The following PPP4R4 variants were observed in gnomAD, a reference collection of about 807,000 sequenced individuals.
PPP4R4 encodes the protein serine/threonine-protein phosphatase 4 regulatory subunit 4.
Under a neutral mutation model 121.8 loss-of-function variants are expected in PPP4R4, and 70 were observed. The ratio of observed to expected loss-of-function variants is 0.57; its 90% CI spans 0.47 to 0.70. PPP4R4 has a LOEUF of 0.70. PPP4R4 is among the 30% of genes least tolerant of loss of function. The pLI, the probability that PPP4R4 is intolerant of heterozygous loss-of-function variation, is 0.00. For synonymous variants in PPP4R4, 348 were observed against 355.7 expected, an observed-to-expected ratio of 0.98 and a Z score of 0.24; for missense variants, 875 against 1,033.6, an observed-to-expected ratio of 0.85 and a Z score of 2.10.
At chr14:94,211,986 ATTTACT>A (rs978992914) in intron 3 of PPP4R4, among the ~76,000 whole-genome samples, 1 of 152,178 alleles carries the variant, frequency 6.6e-6, no homozygotes, top group Non-Finnish European at 1.5e-5. Context: ...TTTGTGAATG[ATTTACT>A]TTTAGATAAT....
At chr14:94,278,591 C>G in intron 24 of PPP4R4, 28 bp from the exon 25 acceptor site, 4 of 1,531,130 alleles carry the variant, frequency 2.6e-6, no homozygotes, top group Non-Finnish European at 3.6e-6. Context: ...CACCCTCCCT[C>G]TCTTCCTTCA....
At chr14:94,239,507 C>A (rs1290825311) in intron 8 of PPP4R4, among the ~76,000 whole-genome samples, 1 of 151,878 alleles carries the variant, frequency 6.6e-6, no homozygotes, top group South Asian at 2.1e-4. Context: ...TTCTTTAGTT[C>A]CCAGTTTAAA....
intron 2 of PPP4R4, among the ~76,000 whole-genome samples, chr14:94,203,274 A>G (rs1338488626): frequency 1.3e-5 from 2 of 152,220 alleles, no homozygotes; most frequent in Non-Finnish European, 2.9e-5. Flanking sequence ...CAAGAATGCT[A>G]TATAAGTGGA....
chr14:94,226,968 A>G (rs543294186), intron 3 of PPP4R4, among the ~76,000 whole-genome samples: 4 of 152,314 alleles, frequency 2.6e-5, no homozygotes, highest in African/African-American at 9.6e-5. Flanking sequence ...CCTGATGGAT[A>G]TAATACAGGC....
intron 22 of PPP4R4, 93 bp downstream of exon 22, chr14:94,265,980 T>C: frequency 1.1e-6 from 1 of 931,436 alleles, no homozygotes; most frequent in Admixed American, 2.8e-5. Flanking sequence ...AAATCAGAAT[T>C]AATTTTGAGG....
chr14:94,270,334 AT>A (rs1894258822), intron 23 of PPP4R4, among the ~76,000 whole-genome samples: 1 of 152,220 alleles, frequency 6.6e-6, no homozygotes, highest in African/African-American at 2.4e-5. Context: ...ATTCAGTGAA[AT>A]CCTAATTAAA....
intron 2 of PPP4R4, among the ~76,000 whole-genome samples, chr14:94,177,843 G>A (rs1355630429): frequency 6.6e-6 from 1 of 152,218 alleles, no homozygotes; most frequent in African/African-American, 2.4e-5. Context: ...CCCTTAAAGA[G>A]ACAGATGGGC....
chr14:94,218,613 C>T lies in PPP4R4; in HGVS notation c.294+10047C>T, dbSNP rs567851854. Among the ~76,000 whole-genome samples, 71 of 111,422 alleles carry T rather than the reference C, an allele frequency of 6.4e-4. 1 individual carries two copies. The highest frequency in any genetic ancestry group is 2.5e-3 in the African/African-American group (71 of 28,206). The allele number at this position is 111,422 out of a possible 152,430, so 73.1% of individuals were successfully genotyped here. On this transcript the variant is annotated intron_variant, in intron 3 of 24. Transcript: ENST00000304338. ...CACACACACCCTCACCCCTAGACAC[C>T]GCACGCGCGCACACACACACCCCCC...
intron 3 of PPP4R4, among the ~76,000 whole-genome samples, chr14:94,220,390 G>C (rs1566666827): frequency 6.6e-6 from 1 of 151,964 alleles, no homozygotes; most frequent in Non-Finnish European, 1.5e-5. Context: ...CAGTATACTG[G>C]ACATTCTAGC....
Position 94,256,955 on chromosome 14 carries a change from A to T in PPP4R4, c.2010+351A>T, listed in dbSNP as rs1310601354. 4.6e-5 allele frequency among the ~76,000 whole-genome samples: 7 copies of T among 152,260 alleles called. No individual in the cohort carries two copies. The East Asian group carries it at 1.4e-3, about 29-fold the overall frequency. The stretch of plus-strand genomic sequence containing the variant: ...GTGAAACTTTGTTGGTAAAATTGGC[A>T]AAGTCACATTTTATAGAAACTTATC... On this transcript the variant is annotated intron_variant, in intron 17 of 24. Transcript: ENST00000304338.
At chr14:94,188,918 A>G (rs988448595) in intron 2 of PPP4R4, among the ~76,000 whole-genome samples, 1 of 152,182 alleles carries the variant, frequency 6.6e-6, no homozygotes, top group African/African-American at 2.4e-5. Flanking sequence ...TATATCTTGA[A>G]TATGCAGCAT....
intron 2 of PPP4R4, among the ~76,000 whole-genome samples, chr14:94,195,282 A>C (rs1417390485): frequency 6.6e-6 from 1 of 152,214 alleles, no homozygotes; most frequent in Non-Finnish European, 1.5e-5. Context: ...TCAAGTTCCC[A>C]GGCCTAAACA....
intron 2 of PPP4R4, among the ~76,000 whole-genome samples, chr14:94,205,927 TGAATG>T (rs1333291712): frequency 1.3e-5 from 2 of 152,006 alleles, no homozygotes; most frequent in African/African-American, 4.8e-5. Context: ...TTCGGGCACT[TGAATG>T]GAATGTGTAT....
Position 94,256,454 on chromosome 14 carries a change from T to C in PPP4R4, c.1866-6T>C. On this transcript the variant is annotated splice_region_variant and splice_polypyrimidine_tract_variant and intron_variant, in intron 16 of 24. Transcript: ENST00000304338. ...TCACTCAAGAGTAAATACTATTTTATTGTAGAATGAAACTTTGCTACCTGT... is the reference window on the plus strand; with the variant it reads ...TCACTCAAGAGTAAATACTATTTTACTGTAGAATGAAACTTTGCTACCTGT... 1.3e-6 allele frequency: 2 copies of C among 1,572,874 alleles called. No individual in the cohort carries two copies. Among genetic ancestry groups the C allele is most frequent in the South Asian group, 1.2e-5 (1 of 86,870 alleles).
chr14:94,265,027 T>A, intron 20 of PPP4R4, 80 bp downstream of exon 20: 1 of 1,203,632 alleles, frequency 8.3e-7, no homozygotes, highest in South Asian at 1.4e-5. Context: ...CCATGCTGAA[T>A]TTTTTATTTG....
At chr14:94,247,639 C>T (rs562230234) in intron 14 of PPP4R4, among the ~76,000 whole-genome samples, 15 of 152,262 alleles carry the variant, frequency 9.9e-5, no homozygotes, top group Middle Eastern at 6.8e-3. Flanking sequence ...GTATTCCTGA[C>T]GAACATCAAC....
At chr14:94,274,217 A>G (rs538488908) in intron 23 of PPP4R4, among the ~76,000 whole-genome samples, 4 of 152,322 alleles carry the variant, frequency 2.6e-5, no homozygotes, top group Non-Finnish European at 4.4e-5. Context: ...AAGAAAATAC[A>G]GAAGAAAGTC....
intron 2 of PPP4R4, among the ~76,000 whole-genome samples, chr14:94,177,220 T>C (rs1888726460): frequency 6.6e-6 from 1 of 152,228 alleles, no homozygotes; most frequent in African/African-American, 2.4e-5. Flanking sequence ...AATTGTATCA[T>C]TTAGAAATGT....
chr14:94,201,672 TC>T (rs1260496895), intron 2 of PPP4R4, among the ~76,000 whole-genome samples: 1 of 152,174 alleles, frequency 6.6e-6, no homozygotes, highest in African/African-American at 2.4e-5. Context: ...GCATGGAATA[TC>T]TTTTTCTACC....
Sources: allele counts gnomAD v4.1 joint callset (sites outside exome capture counted in the v4.1 genomes callset), GRCh38; gene constraint gnomAD v4.1.1; transcripts MANE v1.5; gene names NCBI Gene and HGNC (gene_info 2026-07-23, HGNC 2026-07-21).